The following PTPRG variants were observed in gnomAD, a reference collection of about 807,000 sequenced individuals.
The protein encoded by PTPRG is protein tyrosine phosphatase receptor type G.
In PTPRG, 102 loss-of-function variants were observed where a neutral mutation model predicts 165.3. The observed-to-expected ratio is 0.62, with a 90% CI of 0.53 to 0.73. The LOEUF is 0.73. PTPRG is among the 30% of genes least tolerant of loss of function. The pLI, the probability that PTPRG is intolerant of heterozygous loss-of-function variation, is 0.00. For missense variants in PTPRG, 1,866 were observed against 1,861.4 expected, an observed-to-expected ratio of 1.00 and a Z score of -0.05; for synonymous variants, 675 against 669.5, an observed-to-expected ratio of 1.01 and a Z score of -0.13.
At chr3:62,009,214 T>C (rs959876123) in intron 4 of PTPRG, among the ~76,000 whole-genome samples, 2 of 152,178 alleles carry the variant, frequency 1.3e-5, no homozygotes, top group Admixed American at 6.5e-5. Context: ...GTCTTATGTC[T>C]AAAGAGCACT....
chr3:61,743,625 C>T (rs992827426), intron 1 of PTPRG, among the ~76,000 whole-genome samples: 1 of 152,076 alleles, frequency 6.6e-6, no homozygotes, highest in Non-Finnish European at 1.5e-5. Context: ...ACTGATATTC[C>T]AATTTCTCGC....
At chr3:61,686,084 G>A (rs950425056) in intron 1 of PTPRG, among the ~76,000 whole-genome samples, 1 of 152,176 alleles carries the variant, frequency 6.6e-6, no homozygotes, top group Non-Finnish European at 1.5e-5. Flanking sequence ...CCGTGGTCTT[G>A]CGTGGGGAGG....
At chr3:61,702,648 TC>T (rs2031033541) in intron 1 of PTPRG, among the ~76,000 whole-genome samples, 1 of 152,204 alleles carries the variant, frequency 6.6e-6, no homozygotes, top group African/African-American at 2.4e-5. Flanking sequence ...TGGAATACTT[TC>T]TAGCATTCCA....
At chr3:61,659,886 C>T (rs1169743683) in intron 1 of PTPRG, among the ~76,000 whole-genome samples, 1 of 151,928 alleles carries the variant, frequency 6.6e-6, no homozygotes, top group Non-Finnish European at 1.5e-5. Context: ...TAGAGTTTTT[C>T]AGGGGGAATG....
intron 1 of PTPRG, among the ~76,000 whole-genome samples, chr3:61,675,663 T>G (rs1703194676): frequency 6.6e-6 from 1 of 152,194 alleles, no homozygotes; most frequent in South Asian, 2.1e-4. Flanking sequence ...GATATGGTAT[T>G]TGATGTTGGC....
At chr3:62,105,579 GA>G (rs1320086031) in intron 5 of PTPRG, among the ~76,000 whole-genome samples, 1 of 152,174 alleles carries the variant, frequency 6.6e-6, no homozygotes, top group East Asian at 1.9e-4. Context: ...AGGCATTTAA[GA>G]ATAGAAGGTT....
At chr3:61,880,247 A>G (rs2037846703) in intron 2 of PTPRG, among the ~76,000 whole-genome samples, 1 of 152,244 alleles carries the variant, frequency 6.6e-6, no homozygotes, top group South Asian at 2.1e-4. Context: ...TAAGAAATTG[A>G]CAAATGTAAA....
chr3:62,295,993 A>AACTT lies in PTPRG; in HGVS notation c.*2688_*2691dup, dbSNP rs1174256375. The AACTT allele has an allele frequency of 6.6e-6, 1 of 152,102 alleles. No homozygotes were observed. The highest frequency in any genetic ancestry group is 2.4e-5 in the African/African-American group (1 of 41,446). The allele number at this position is 152,102 out of a possible 1,614,324, so 9.4% of individuals were successfully genotyped here. ...ATAGCTATTGCAAATTAATGTGTGC[A>AACTT]ACTTAATAAAATAAGCTGTTTGTGT... On this transcript the variant is annotated 3_prime_UTR_variant, in exon 30 of 30. Transcript: ENST00000474889.
chr3:61,755,377 A>G (rs4688663), intron 2 of PTPRG, among the ~76,000 whole-genome samples: 23,763 of 152,192 alleles, frequency 0.16, 2,402 homozygotes, highest in East Asian at 0.51. Flanking sequence ...GTCTTCCTCC[A>G]TGTCTCAGCT....
intron 1 of PTPRG, among the ~76,000 whole-genome samples, chr3:61,571,914 G>A (rs1700066060): frequency 6.6e-6 from 1 of 152,098 alleles, no homozygotes. Context: ...TGGGATCTTG[G>A]GCAAGACCCT....
At chr3:62,282,928 G>GA (rs755617674) in intron 28 of PTPRG, 59 bp downstream of exon 28, 539 of 1,498,740 alleles carry the variant, frequency 3.6e-4, no homozygotes, top group Non-Finnish European at 4.6e-4. Context: ...ATTTCTTGTT[G>GA]AAAGCAGTAG....
At chr3:62,093,699 G>T (rs1287160272) in intron 5 of PTPRG, among the ~76,000 whole-genome samples, 1 of 152,194 alleles carries the variant, frequency 6.6e-6, no homozygotes, top group Non-Finnish European at 1.5e-5. Context: ...TTGGCCCATG[G>T]ACCTGCATAT....
intron 4 of PTPRG, among the ~76,000 whole-genome samples, chr3:62,065,477 G>T (rs914214280): frequency 1.3e-5 from 2 of 152,194 alleles, no homozygotes; most frequent in African/African-American, 4.8e-5. Context: ...CAGTCTTTCA[G>T]GGGGCTTGCA....
intron 2 of PTPRG, among the ~76,000 whole-genome samples, chr3:61,924,823 T>C (rs2039167000): frequency 6.6e-6 from 1 of 152,234 alleles, no homozygotes; most frequent in Non-Finnish European, 1.5e-5. Flanking sequence ...TGAATGTTTC[T>C]GTTGCTCTGA....
chr3:61,786,559 C>T (rs615953), intron 2 of PTPRG, among the ~76,000 whole-genome samples: 17,179 of 151,964 alleles, frequency 0.11, 1,223 homozygotes, highest in African/African-American at 0.2. Flanking sequence ...GTCAACGTAG[C>T]GAAGAGTTAG....
At chr3:61,615,242 A>G (rs1180917838) in intron 1 of PTPRG, among the ~76,000 whole-genome samples, 1 of 152,244 alleles carries the variant, frequency 6.6e-6, no homozygotes, top group Non-Finnish European at 1.5e-5. Flanking sequence ...CCAATGACAG[A>G]AGGAACCATT....
intron 9 of PTPRG, 49 bp downstream of exon 9, chr3:62,191,702 C>T (rs1699826839): frequency 6.5e-7 from 1 of 1,534,978 alleles, no homozygotes; most frequent in East Asian, 2.2e-5. Context: ...GAGAGGGACT[C>T]CTGCTGCAGC....
At chr3:62,102,595 A>G (rs1284819079) in intron 5 of PTPRG, among the ~76,000 whole-genome samples, 1 of 152,184 alleles carries the variant, frequency 6.6e-6, no homozygotes, top group Non-Finnish European at 1.5e-5. Context: ...TGAAAAATGA[A>G]AATGAACAGA....
intron 2 of PTPRG, among the ~76,000 whole-genome samples, chr3:61,792,760 C>G (rs769976040): frequency 6.9e-6 from 1 of 145,442 alleles, no homozygotes; most frequent in African/African-American, 2.6e-5. Flanking sequence ...GATGGAGTCT[C>G]GCTCGATTGC....
Sources: gnomAD v4.1 joint callset for allele counts (sites outside exome capture counted in the v4.1 genomes callset) on GRCh38, gnomAD v4.1.1 for gene constraint, MANE v1.5 for transcripts, NCBI Gene and HGNC (gene_info 2026-07-23, HGNC 2026-07-21) for gene names.